The following AHCY variants were observed in gnomAD, a reference collection of about 807,000 sequenced individuals.
AHCY encodes adenosylhomocysteinase.
AHCY carries 24 observed loss-of-function variants against 45.4 expected under a neutral mutation model. That is an observed-to-expected ratio of 0.53 (90% CI 0.38 to 0.74). The LOEUF (loss-of-function observed/expected upper bound fraction) is 0.74. Among genes scored for constraint, AHCY ranks in the 30% least tolerant of loss-of-function variants. The pLI is 0.00. For synonymous variants in AHCY, 245 were observed against 235.1 expected (o/e 1.04, Z -0.39); for missense variants, 449 against 594.1 (o/e 0.76, Z 2.54).
chr20:34,302,976 A>T (rs1457164588), intron 1 of AHCY: 1 of 985,314 alleles, frequency 1.0e-6, no homozygotes, highest in Non-Finnish European at 1.2e-6. Flanking sequence ...CCCGCGGAGC[A>T]CGCCGCCAGT....
upstream of AHCY, among the ~76,000 whole-genome samples, chr20:34,304,750 A>G (rs2036874626): frequency 6.6e-6 from 1 of 151,644 alleles, no homozygotes; most frequent in South Asian, 2.1e-4. Context: ...GTGCAATGGC[A>G]TGATCTTGGC....
In AHCY at chr20:34,292,486, G is replaced by A. The variant is rs910267027; in HGVS notation, c.317C>T (p.Thr106Met). 1.2e-5 allele frequency: 19 copies of A among 1,614,130 alleles called. No homozygotes were observed. Among genetic ancestry groups the A allele is most frequent in the East Asian group, 6.7e-5 (3 of 44,890 alleles). ...GIPVYAWKGE[T>M]DEEYLWCIEQ... Reference sequence around the variant, plus strand: ...AATGCACCACAGGTACTCCTCGTCCGTTTCGCCCTTCCAGGCATACACTGG... The same window carrying A: ...AATGCACCACAGGTACTCCTCGTCCATTTCGCCCTTCCAGGCATACACTGG... The change falls in exon 4 of 10, where the codon ACG becomes ATG. Residue 106 changes from threonine to methionine, a missense_variant. Transcript: ENST00000217426.
the AHCY span, among the ~76,000 whole-genome samples, chr20:34,273,840 T>C: frequency 6.6e-6 from 1 of 152,190 alleles, no homozygotes; most frequent in Non-Finnish European, 1.5e-5. Context: ...TTTTGTTTAA[T>C]TGGTAAAATC....
intron 8 of AHCY, among the ~76,000 whole-genome samples, chr20:34,288,034 T>G (rs1309972469): frequency 6.6e-6 from 1 of 152,158 alleles, no homozygotes; most frequent in African/African-American, 2.4e-5. Context: ...GTCAGGGGTG[T>G]GGCTGCCACA....
At chr20:34,270,713 C>G in the AHCY span, among the ~76,000 whole-genome samples, 1 of 152,200 alleles carries the variant, frequency 6.6e-6, no homozygotes, top group Non-Finnish European at 1.5e-5. Flanking sequence ...TGAAGAAGTC[C>G]AATATGGATC....
the AHCY span, among the ~76,000 whole-genome samples, chr20:34,235,797 G>GAA: frequency 2.1e-5 from 1 of 47,928 alleles, no homozygotes; most frequent in Non-Finnish European, 3.3e-5. Context: ...AAGAAAGAAA[G>GAA]AAAGAAAGAA....
At chr20:34,236,479 C>T in the AHCY span, among the ~76,000 whole-genome samples, 30 of 151,838 alleles carry the variant, frequency 2.0e-4, no homozygotes, top group African/African-American at 7.0e-4. Context: ...AGGAGGTGGA[C>T]GTTGCAGTGA....
chr20:34,305,073 T>G (rs2036879893), upstream of AHCY, among the ~76,000 whole-genome samples: 1 of 148,406 alleles, frequency 6.7e-6, no homozygotes, highest in South Asian at 2.2e-4. Flanking sequence ...CCCAGCACAT[T>G]GGGAGGCCGA....
chr20:34,236,764 A>G, the AHCY span, among the ~76,000 whole-genome samples: 7 of 152,208 alleles, frequency 4.6e-5, no homozygotes, highest in Admixed American at 1.3e-4. Context: ...CAGCTGAAGA[A>G]TTTTGGGAAA....
chr20:34,290,804 G>C lies in AHCY; in HGVS notation c.693C>G (p.Ala231=). The C allele has an allele frequency of 6.2e-7, 1 of 1,614,084 alleles. No homozygotes were observed. The highest frequency in any genetic ancestry group is 8.5e-7 in the Non-Finnish European group (1 of 1,180,012). Residue 231 remains alanine, a synonymous_variant, in exon 6 of 10, where the codon GCC becomes GCG. Coordinates refer to ENST00000217426, the MANE Select transcript of AHCY (RefSeq NM_000687.4). This position sits in a 1 kb window ranked among gnomAD's most constrained non-coding sequence, Gnocchi z 4.5. ...YGDVGKGCAQ[A]LRGFGARVII... ...TGACGCGGGCTCCGAAACCCCGCAGGGCCTGGGCACAGCCCTTGCCCACAT... is the reference window on the plus strand; with the variant it reads ...TGACGCGGGCTCCGAAACCCCGCAGCGCCTGGGCACAGCCCTTGCCCACAT...
At chr20:34,311,290 T>C (rs2036945157) in intron 1 of AHCY, among the ~76,000 whole-genome samples, 1 of 152,176 alleles carries the variant, frequency 6.6e-6, no homozygotes, top group Non-Finnish European at 1.5e-5. Context: ...CCAGGCTGGA[T>C]GTACAAGAAA....
At chr20:34,257,074 T>TTC in the AHCY span, among the ~76,000 whole-genome samples, 1 of 151,066 alleles carries the variant, frequency 6.6e-6, no homozygotes, top group African/African-American at 2.4e-5. Flanking sequence ...CTTTCTCTTT[T>TTC]TTTTTTTTGT....
At chr20:34,294,251 G>T in intron 2 of AHCY, 95 bp from the exon 3 acceptor site, 1 of 1,131,506 alleles carries the variant, frequency 8.8e-7, no homozygotes, top group Non-Finnish European at 1.3e-6. Context: ...GGGTAGTGGG[G>T]AGAGGCTTGG....
chr20:34,269,034 T>G, the AHCY span: 1 of 1,607,576 alleles, frequency 6.2e-7, no homozygotes. Context: ...CGGACCCCCC[T>G]ATCTGCGCCC....
At chr20:34,260,260 C>A in the AHCY span, 2 of 1,207,718 alleles carry the variant, frequency 1.7e-6, no homozygotes, top group Non-Finnish European at 2.3e-6. Context: ...GGACACTTGC[C>A]TAACAGGGTC....
intron 1 of AHCY, among the ~76,000 whole-genome samples, chr20:34,297,183 C>G (rs773396560): frequency 7.2e-5 from 11 of 152,102 alleles, no homozygotes; most frequent in Admixed American, 1.3e-4. Context: ...TGAGAACTCA[C>G]TTGGCAAAAC....
chr20:34,302,992 G>A, intron 1 of AHCY: 5 of 985,490 alleles, frequency 5.1e-6, no homozygotes, highest in Non-Finnish European at 6.0e-6. Context: ...CCAGTTTGCG[G>A]CTCGCAGACC....
chr20:34,303,374 CG>C (rs2036850476), upstream of AHCY: 1 of 1,496,188 alleles, frequency 6.7e-7, no homozygotes, highest in Admixed American at 2.0e-5. Context: ...GTGGCGCCGA[CG>C]CCTTTAAATA....
chr20:34,288,908 GTGCCCCAA>G (rs1382993441), intron 8 of AHCY, among the ~76,000 whole-genome samples: 5 of 152,274 alleles, frequency 3.3e-5, no homozygotes, highest in African/African-American at 9.6e-5. Flanking sequence ...TCCAGTTTCA[GTGCCCCAA>G]TGCCCAATGC....
Sources: allele counts gnomAD v4.1 joint callset (sites outside exome capture counted in the v4.1 genomes callset), GRCh38; gene constraint gnomAD v4.1.1; non-coding constraint Gnocchi (gnomAD v3.1); transcripts MANE v1.5; gene names NCBI Gene and HGNC (gene_info 2026-07-23, HGNC 2026-07-21).